Variants in CDHR1 observed in about 807,000 individuals in gnomAD.
CDHR1 encodes the protein cadherin related family member 1.
A neutral mutation model predicts 72.1 loss-of-function variants in CDHR1; 61 were observed. The ratio of observed to expected loss-of-function variants is 0.85; its 90% CI spans 0.69 to 1.05. The LOEUF (loss-of-function observed/expected upper bound fraction) is 1.05, where lower values mean the gene tolerates loss of function less well. Among genes scored for constraint, CDHR1 ranks in the 50% least tolerant of loss-of-function variants. The pLI is 0.00. For synonymous variants in CDHR1, 470 were observed against 448.1 expected (o/e 1.05, Z -0.62); for missense variants, 1,186 against 1,115.7 (o/e 1.06, Z -0.90).
Position 84,194,687 on chromosome 10 carries a change from CG to C in CDHR1, c.-71del. On this transcript the variant is annotated 5_prime_UTR_variant, in exon 1 of 17. Coordinates refer to ENST00000623527, the MANE Select transcript of CDHR1 (RefSeq NM_033100.4). ...CCCATTGTGGTCTCTGCCCTCCCCG[CG>C]GGCCCAGGGCATGCTCCGTGCCCCT... 1 of 1,277,846 alleles carries C rather than the reference CG, an allele frequency of 7.8e-7. No homozygotes were observed. Among genetic ancestry groups the C allele is most frequent in the Non-Finnish European group, 1.0e-6 (1 of 978,834 alleles). The allele number at this position is 1,277,846 out of a possible 1,614,324, so 79.2% of individuals were successfully genotyped here.
Position 84,213,100 on chromosome 10 carries a change from G to A in CDHR1, c.1792G>A (p.Glu598Lys), listed in dbSNP as rs114754869. ...GTPVKIEAID[E>K]DAEEPNNLVD... is the part of the protein sequence containing the mutation. ...CTCTCCCTGCGCACAGGCCATAGAC[G>A]AGGATGCAGAGGAACCCAACAACCT... Residue 598 changes from glutamate (E) to lysine (K), a missense_variant, in exon 16 of 17, where the codon GAG (glutamate) becomes AAG (lysine). Physicochemically the swap from Glu to Lys is moderately conservative, Grantham distance 56. Transcript: ENST00000623527. 2.7e-4 allele frequency: 442 copies of A among 1,614,174 alleles called. 1 individual carries two copies. The African/African-American group carries it at 5.1e-3, about 19-fold the overall frequency.
In CDHR1 at chr10:84,194,561, G is replaced by A; in HGVS notation, c.-200G>A. 1 of 459,848 alleles carries A rather than the reference G, an allele frequency of 2.2e-6. No homozygotes were observed. Among genetic ancestry groups the A allele is most frequent in the Middle Eastern group, 5.5e-4 (1 of 1,816 alleles). 28.5% of individuals were successfully genotyped at this position (459,848 alleles called of 1,614,324 possible). ...CGCTAATTGGTCTCGTCAGGCGGCC[G>A]GCAGGAGCAGATCCGAGCCGTGTCA... is the stretch of plus-strand genomic sequence containing the variant. On this transcript the variant is annotated 5_prime_UTR_variant, in exon 1 of 17. Transcript: ENST00000623527.
At position 84,218,373 on chromosome 10, in the gene CDHR1, T is replaced by C. The variant is rs1842459965; in HGVS notation, c.*3752T>C. Reference sequence around the variant, plus strand: ...ATAAAATCGTGCACATGTACCCCTTTTGAGGCCTGAATGAGGTTCGGTTAT... The same window carrying C: ...ATAAAATCGTGCACATGTACCCCTTCTGAGGCCTGAATGAGGTTCGGTTAT... On this transcript the variant is annotated 3_prime_UTR_variant, in exon 17 of 17. Coordinates refer to ENST00000623527, the MANE Select transcript of CDHR1 (RefSeq NM_033100.4). 1 of 985,344 alleles carries C rather than the reference T, an allele frequency of 1.0e-6. No homozygotes were observed. Among genetic ancestry groups the C allele is most frequent in the Admixed American group, 6.1e-5 (1 of 16,268 alleles). The allele number at this position is 985,344 out of a possible 1,614,324, so 61.0% of individuals were successfully genotyped here. A position where few individuals can be genotyped will look rare whatever the true frequency, so the allele number is the denominator to read the frequency against.
rs1457158620 is a variant in CDHR1 at position 84,201,244 on chromosome 10, C to T, written c.525+557C>T. Among the ~76,000 whole-genome samples, 3 of 152,264 alleles carry T rather than the reference C, an allele frequency of 2.0e-5. No individual in the cohort carries two copies. The East Asian group carries it at 5.8e-4, about 29-fold the overall frequency. The stretch of plus-strand genomic sequence containing the variant: ...CTGAAAACTACATATGTGTAAAGTC[C>T]CCAATAACAGCACCTGGCACAAGCG... On this transcript the variant is annotated intron_variant, in intron 6 of 16. Transcript: ENST00000623527.
intron 5 of CDHR1, among the ~76,000 whole-genome samples, chr10:84,200,381 A>G (rs1447265562): frequency 6.6e-6 from 1 of 151,728 alleles, no homozygotes; most frequent in Non-Finnish European, 1.5e-5. Context: ...CACATCCCCC[A>G]GCCCCTCACC....
chr10:84,199,176 C>T (rs1266008327), intron 5 of CDHR1, 55 bp downstream of exon 5: 10 of 1,435,604 alleles, frequency 7.0e-6, no homozygotes, highest in African/African-American at 5.7e-5. Context: ...CATAGCCTAC[C>T]CCTGGGGCTG....
At chr10:84,218,709 G>A (rs1056251337), downstream of CDHR1, 2 of 990,216 alleles carry the variant, frequency 2.0e-6, no homozygotes, top group African/African-American at 1.7e-5. Context: ...GGAAACTGTA[G>A]CATCTTTTCA....
In CDHR1 at chr10:84,202,985, C is replaced by T. The variant is rs150001512; in HGVS notation, c.645C>T (p.Gly215=). 33 of 1,614,022 alleles carry T rather than the reference C, an allele frequency of 2.0e-5. No homozygotes were observed. The highest frequency in any genetic ancestry group is 4.5e-5 in the East Asian group (2 of 44,888). ...THYITVVAKD[G]GGRLHGADVV... ...GGCCTCCGATTCTTCTGCAGGATGG[C>T]GGTGGGAGGCTTCATGGGGCTGATG... Residue 215 remains glycine, a synonymous_variant, in exon 8 of 17, where the codon GGC becomes GGT. Transcript: ENST00000623527.
rs994272082 is a variant in CDHR1, at chr10:84,214,547, G to A, written c.2506G>A (p.Val836Ile). ...AAAACCCAAAACTATGGGAAGCCCC[G>A]TCCAGTCAACTCTGATCTCTGAGCT... ...PPKPKTMGSP[V>I]QSTLISELKQ... Residue 836 changes from valine to isoleucine, a missense_variant, in exon 17 of 17, where the codon GTC becomes ATC. Val to Ile is a conservative substitution (Grantham distance 29). Transcript: ENST00000623527. 1.2e-6 allele frequency: 2 copies of A among 1,601,716 alleles called. No individual in the cohort carries two copies. Among genetic ancestry groups the A allele is most frequent in the African/African-American group, 2.7e-5 (2 of 74,892 alleles).
intron 3 of CDHR1, among the ~76,000 whole-genome samples, chr10:84,197,533 C>A (rs770701617): frequency 1.9e-4 from 29 of 152,200 alleles, no homozygotes; most frequent in Non-Finnish European, 4.1e-4. Flanking sequence ...GGAGCCCCAA[C>A]AGACCCTCTG....
At position 84,211,137 on chromosome 10, in the gene CDHR1, C is replaced by T. The variant is rs1315773139; in HGVS notation, c.1457C>T (p.Pro486Leu). The change falls in exon 13 of 17, where the codon CCA becomes CTA. Residue 486 changes from proline to leucine, a missense_variant. Physicochemically the swap from Pro to Leu is moderately conservative, Grantham distance 98. Transcript: ENST00000623527. ...YYVARIPENA[P>L]GGSSVVAVTA... ...GTTGCCAGGATTCCTGAGAACGCCC[C>T]AGGGGGCTCCAGCGTGGTGGCTGTC... The T allele has an allele frequency of 6.2e-7, 1 of 1,614,226 alleles. No individual in the cohort carries two copies. Among genetic ancestry groups the T allele is most frequent in the Middle Eastern group, 1.7e-4 (1 of 6,060 alleles).
At chr10:84,203,416 C>A (rs1245182739) in intron 8 of CDHR1, among the ~76,000 whole-genome samples, 1 of 151,356 alleles carries the variant, frequency 6.6e-6, no homozygotes, top group Admixed American at 6.6e-5. Flanking sequence ...TCTGATTATT[C>A]TTGACTTTTT....
intron 2 of CDHR1, among the ~76,000 whole-genome samples, chr10:84,196,257 C>G (rs908514764): frequency 6.6e-6 from 1 of 152,166 alleles, no homozygotes; most frequent in African/African-American, 2.4e-5. Flanking sequence ...CTCTGTAACC[C>G]GTGTTATAGA....
chr10:84,197,825 G>A lies in CDHR1; in HGVS notation c.337G>A (p.Gly113Ser). The A allele has an allele frequency of 6.2e-7, 1 of 1,613,926 alleles. No homozygotes were observed. Among genetic ancestry groups the A allele is most frequent in the Non-Finnish European group, 8.5e-7 (1 of 1,179,924 alleles). Reference sequence around the variant, plus strand: ...TGAAGCCATCATCAGCATTTCTGATGGCCTGAATCTGGTGAGTGCACGTCC... The same window carrying A: ...TGAAGCCATCATCAGCATTTCTGATAGCCTGAATCTGGTGAGTGCACGTCC... ...EIEAIISISD[G>S]LNLVAEKVVI... The change falls in exon 4 of 17, where the codon GGC (glycine) becomes AGC (serine). Residue 113 changes from glycine (G) to serine (S), a missense_variant. Transcript: ENST00000623527.
rs1042740257 is a variant in CDHR1, at chr10:84,214,268, C to A, written c.2227C>A (p.Arg743=). 1 of 1,613,474 alleles carries A rather than the reference C, an allele frequency of 6.2e-7. No individual in the cohort carries two copies. Among genetic ancestry groups the A allele is most frequent in the Non-Finnish European group, 8.5e-7 (1 of 1,180,014 alleles). ...GCCAATGCGGCGGGTGCTCCGCAAG[C>A]GGCCCAGCCCTGCGCCCCGCACCAT... ...VLPMRRVLRK[R]PSPAPRTIRI... Residue 743 remains arginine, a synonymous_variant, in exon 17 of 17, where the codon CGG becomes AGG. Coordinates refer to ENST00000623527, the MANE Select transcript of CDHR1 (RefSeq NM_033100.4).
At chr10:84,219,443 C>A, downstream of CDHR1, 1 of 1,127,290 alleles carries the variant, frequency 8.9e-7, no homozygotes, top group Non-Finnish European at 1.2e-6. Flanking sequence ...ACCCCTCTGT[C>A]TCATGTGCAC....
chr10:84,209,946 G>C (rs116120485), intron 12 of CDHR1, among the ~76,000 whole-genome samples: 1 of 152,226 alleles, frequency 6.6e-6, no homozygotes, highest in East Asian at 1.9e-4. Flanking sequence ...TTGGTTGGGC[G>C]TGGTGGCTCA....
At position 84,218,675 on chromosome 10, in the gene CDHR1, T is replaced by C. The variant is rs148029996; in HGVS notation, c.*4054T>C. 1,038 of 987,014 alleles carry C rather than the reference T, an allele frequency of 1.1e-3. 13 individuals carry two copies. The African/African-American group carries it at 0.017, about 16-fold the overall frequency. 61.1% of individuals were successfully genotyped at this position (987,014 alleles called of 1,614,324 possible). On this transcript the variant is annotated 3_prime_UTR_variant, in exon 17 of 17. Transcript: ENST00000623527. ...GGTCTAAACTCTAAATAAATAAGCT[T>C]CTCAAGGGCATGACAACTATATCGG...
rs531220625 is a variant in CDHR1, at chr10:84,211,038, G to T, written c.1358G>T (p.Ser453Ile). The change falls in exon 13 of 17, where the codon AGT becomes ATT. Residue 453 changes from serine (S) to isoleucine (I), a missense_variant. Coordinates refer to ENST00000623527, the MANE Select transcript of CDHR1 (RefSeq NM_033100.4). ...GAAGTGAACACCCCAGAGAAGTTCA[G>T]TTCCACAGCGGATGTTGTGATCCAG... is the stretch of plus-strand genomic sequence containing the variant. Reference protein sequence around the residue: ...AVEVNTPEKFSSTADVVIQLL... With the variant: ...AVEVNTPEKFISTADVVIQLL... The T allele has an allele frequency of 3.1e-6, 5 of 1,614,214 alleles. No individual in the cohort carries two copies. Among genetic ancestry groups the T allele is most frequent in the East Asian group, 4.5e-5 (2 of 44,884 alleles).
Sources: gnomAD v4.1 joint callset for allele counts (sites outside exome capture counted in the v4.1 genomes callset) on GRCh38, gnomAD v4.1.1 for gene constraint, MANE v1.5 for transcripts, NCBI Gene and HGNC (gene_info 2026-07-23, HGNC 2026-07-21) for gene names.